PTPRD: variants seen among roughly 807,000 people sequenced by gnomAD.
PTPRD encodes the protein receptor-type tyrosine-protein phosphatase delta.
In PTPRD, 34 loss-of-function variants were observed where a neutral mutation model predicts 214.5. The ratio of observed to expected loss-of-function variants is 0.16; its 90% CI spans 0.12 to 0.21. The LOEUF is 0.21. PTPRD is among the 10% of genes least tolerant of loss of function. The probability of loss-of-function intolerance (pLI) is 1.00; values close to 1 mark genes in which losing one functional copy is unlikely to be tolerated. For synonymous variants in PTPRD, 1,128 were observed against 845.7 expected (o/e 1.33, Z -5.79); for missense variants, 2,545 against 2,398.7 (o/e 1.06, Z -1.27).
intron 5 of PTPRD, among the ~76,000 whole-genome samples, chr9:9,850,517 G>C (rs1352325772): frequency 1.3e-5 from 2 of 152,056 alleles, no homozygotes; most frequent in African/African-American, 4.8e-5. Flanking sequence ...AAATTAAATG[G>C]AAGGGGAAGA....
chr9:9,350,057 G>A (rs538485733), intron 9 of PTPRD, among the ~76,000 whole-genome samples: 137 of 152,094 alleles, frequency 9.0e-4, no homozygotes, highest in African/African-American at 3.1e-3. Flanking sequence ...AGGTAGGAAC[G>A]GAAAGGACCC....
chr9:9,428,415 G>C (rs979533928), intron 8 of PTPRD, among the ~76,000 whole-genome samples: 4 of 152,110 alleles, frequency 2.6e-5, no homozygotes, highest in African/African-American at 7.2e-5. Context: ...AGTCCATAGA[G>C]ACCTACAAAG....
chr9:10,611,229 T>C (rs1172389738), intron 2 of PTPRD, among the ~76,000 whole-genome samples: 1 of 152,186 alleles, frequency 6.6e-6, no homozygotes, highest in Non-Finnish European at 1.5e-5. Context: ...GTATAAGTAC[T>C]ACCATGTCAA....
intron 35 of PTPRD, among the ~76,000 whole-genome samples, chr9:8,427,349 C>T (rs67803728): frequency 0.073 from 11,126 of 152,202 alleles, 625 homozygotes; most frequent in African/African-American, 0.16. Context: ...TACAGCAGGA[C>T]ACTCTTTCTT....
intron 10 of PTPRD, among the ~76,000 whole-genome samples, chr9:9,076,187 C>A (rs766635200): frequency 7.9e-5 from 12 of 152,140 alleles, no homozygotes; most frequent in Non-Finnish European, 1.6e-4. Flanking sequence ...TTTCATGTGT[C>A]TGTTGGCTGC....
At chr9:8,933,188 TGG>T (rs1230179394) in intron 11 of PTPRD, among the ~76,000 whole-genome samples, 1 of 151,946 alleles carries the variant, frequency 6.6e-6, no homozygotes, top group Non-Finnish European at 1.5e-5. Context: ...TCGCCCTTCA[TGG>T]GCTGCACCCA....
chr9:10,516,951 C>T (rs965390618), intron 2 of PTPRD, among the ~76,000 whole-genome samples: 1 of 151,776 alleles, frequency 6.6e-6, no homozygotes, highest in African/African-American at 2.4e-5. Context: ...TATGTTTGTA[C>T]CATACTGTTT....
intron 3 of PTPRD, among the ~76,000 whole-genome samples, chr9:10,097,854 A>G (rs527968756): frequency 1.3e-5 from 2 of 151,994 alleles, no homozygotes; most frequent in East Asian, 3.9e-4. Context: ...TTGTCCATTC[A>G]GTATGATATT....
At chr9:9,894,936 C>T (rs2074529062) in intron 5 of PTPRD, among the ~76,000 whole-genome samples, 1 of 151,722 alleles carries the variant, frequency 6.6e-6, no homozygotes, top group South Asian at 2.1e-4. Context: ...ACTCTAAGAA[C>T]AAAAGAGCCA....
chr9:9,795,955 A>C (rs144670018), intron 5 of PTPRD, among the ~76,000 whole-genome samples: 183 of 152,294 alleles, frequency 1.2e-3, no homozygotes, highest in African/African-American at 4.3e-3. Flanking sequence ...TATGTGAAGA[A>C]TATATCAATG....
intron 5 of PTPRD, among the ~76,000 whole-genome samples, chr9:9,907,358 G>A (rs78259091): frequency 6.6e-6 from 1 of 151,786 alleles, no homozygotes; most frequent in African/African-American, 2.4e-5. Context: ...CTGGGTGGCT[G>A]AAGCAATAGA....
At chr9:8,354,797 G>A (rs772594867) in intron 39 of PTPRD, among the ~76,000 whole-genome samples, 2 of 152,080 alleles carry the variant, frequency 1.3e-5, no homozygotes, top group African/African-American at 4.8e-5. Context: ...AGTTTTCCTT[G>A]GAGCTCCCCA....
At chr9:9,188,540 T>A (rs987586464) in intron 9 of PTPRD, among the ~76,000 whole-genome samples, 1 of 152,100 alleles carries the variant, frequency 6.6e-6, no homozygotes, top group East Asian at 1.9e-4. Flanking sequence ...TTATTTGCTT[T>A]GAAAGTCTAA....
In PTPRD at chr9:9,904,851, GGCAATGATAT is replaced by G. The variant is rs1250864546; in HGVS notation, c.-368+33646_-368+33655del. Among the ~76,000 whole-genome samples, 6 of 151,980 alleles carry G rather than the reference GGCAATGATAT, an allele frequency of 3.9e-5. No individual in the cohort carries two copies. In the Admixed American group the frequency reaches 3.9e-4, roughly 10 times the overall value. On this transcript the variant is annotated intron_variant, in intron 5 of 45. Transcript: ENST00000381196. ...ATCAAACTCAGAGAAATCGTAGGTG[GGCAATGATAT>G]GCCTTGGTGAAATAACGAAGTGGGG...
At chr9:9,106,556 C>A (rs1569543586) in intron 10 of PTPRD, among the ~76,000 whole-genome samples, 1 of 122,236 alleles carries the variant, frequency 8.2e-6, no homozygotes, top group Non-Finnish European at 1.6e-5. Flanking sequence ...GAAGCTCCCA[C>A]AAAAGGCAGC....
intron 9 of PTPRD, among the ~76,000 whole-genome samples, chr9:9,248,336 C>T (rs2099973968): frequency 6.6e-6 from 1 of 152,034 alleles, no homozygotes; most frequent in Non-Finnish European, 1.5e-5. Context: ...TCAAGTGATC[C>T]ACCTGCCTCA....
intron 2 of PTPRD, among the ~76,000 whole-genome samples, chr9:10,529,293 A>G (rs1401135951): frequency 6.6e-6 from 1 of 152,176 alleles, no homozygotes; most frequent in African/African-American, 2.4e-5. Context: ...GGCACTGTTC[A>G]CAATAGCAAA....
chr9:9,433,872 G>C (rs111795402), intron 8 of PTPRD, among the ~76,000 whole-genome samples: 3 of 152,208 alleles, frequency 2.0e-5, no homozygotes, highest in South Asian at 2.1e-4. Flanking sequence ...GATAGAGACA[G>C]ATCTGCAACA....
intron 11 of PTPRD, among the ~76,000 whole-genome samples, chr9:8,756,866 C>A (rs1003264380): frequency 6.6e-6 from 1 of 152,032 alleles, no homozygotes; most frequent in South Asian, 2.1e-4. Flanking sequence ...CCAGGCCAGG[C>A]GCTGTGGCTC....
Sources: gnomAD v4.1 joint callset for allele counts (sites outside exome capture counted in the v4.1 genomes callset) on GRCh38, gnomAD v4.1.1 for gene constraint, MANE v1.5 for transcripts, NCBI Gene and HGNC (gene_info 2026-07-23, HGNC 2026-07-21) for gene names.